TUSC3: variants seen among roughly 807,000 people sequenced by gnomAD.
TUSC3 encodes tumor suppressor candidate 3.
A neutral mutation model predicts 44.8 loss-of-function variants in TUSC3; 45 were observed. That is an observed-to-expected ratio of 1.00 (90% CI 0.79 to 1.29). TUSC3 has a LOEUF of 1.29. TUSC3 is among the 50% of genes most tolerant of loss of function. The pLI is 0.00. For missense variants in TUSC3, 519 were observed against 437.9 expected, an observed-to-expected ratio of 1.19 and a Z score of -1.65; for synonymous variants, 212 against 152.9, an observed-to-expected ratio of 1.39 and a Z score of -2.85.
At chr8:15,489,638 T>C (rs1477552185) in intron 2 of TUSC3, among the ~76,000 whole-genome samples, 1 of 152,210 alleles carries the variant, frequency 6.6e-6, no homozygotes, top group Non-Finnish European at 1.5e-5. Flanking sequence ...ATACTACAGT[T>C]ACATTGGAAT....
intron 1 of TUSC3, among the ~76,000 whole-genome samples, chr8:15,572,907 A>G (rs1034776799): frequency 6.6e-6 from 1 of 152,066 alleles, no homozygotes; most frequent in African/African-American, 2.4e-5. Flanking sequence ...AAGTGACATC[A>G]AAGATCACTG....
intron 2 of TUSC3, among the ~76,000 whole-genome samples, chr8:15,649,320 C>T (rs566793134): frequency 6.6e-6 from 1 of 152,032 alleles, no homozygotes; most frequent in Non-Finnish European, 1.5e-5. Flanking sequence ...CGCGGTGGCT[C>T]ACGCCTGTAA....
chr8:15,773,554 T>C, the TUSC3 span, among the ~76,000 whole-genome samples: 1 of 152,180 alleles, frequency 6.6e-6, no homozygotes, highest in East Asian at 1.9e-4. Context: ...TTTCCTATTA[T>C]AATCCAGTGG....
At chr8:15,583,228 G>A (rs1359800226) in intron 1 of TUSC3, among the ~76,000 whole-genome samples, 3 of 152,190 alleles carry the variant, frequency 2.0e-5, no homozygotes, top group African/African-American at 7.2e-5. Context: ...TTAAAGCCAT[G>A]TAAGACATTA....
At chr8:15,490,534 G>A (rs888245387) in intron 2 of TUSC3, among the ~76,000 whole-genome samples, 1 of 152,150 alleles carries the variant, frequency 6.6e-6, no homozygotes, top group Non-Finnish European at 1.5e-5. Context: ...GCAGAGGCCA[G>A]CACTGAAGGA....
intron 10 of TUSC3, among the ~76,000 whole-genome samples, chr8:15,760,928 C>T (rs1484937506): frequency 6.6e-6 from 1 of 152,120 alleles, no homozygotes; most frequent in African/African-American, 2.4e-5. Flanking sequence ...TTTTTCAGTT[C>T]TTGTAACACC....
chr8:15,776,331 T>A, the TUSC3 span, among the ~76,000 whole-genome samples: 2 of 152,132 alleles, frequency 1.3e-5, no homozygotes, highest in Non-Finnish European at 2.9e-5. Flanking sequence ...TTATTTATTT[T>A]ATGAATGGGC....
At chr8:15,849,570 C>G in the TUSC3 span, among the ~76,000 whole-genome samples, 33 of 152,286 alleles carry the variant, frequency 2.2e-4, no homozygotes, top group African/African-American at 7.7e-4. Context: ...GAGTTACAAT[C>G]TCCCCTGCAA....
At chr8:15,781,832 A>G in the TUSC3 span, among the ~76,000 whole-genome samples, 1 of 152,144 alleles carries the variant, frequency 6.6e-6, no homozygotes, top group African/African-American at 2.4e-5. Flanking sequence ...AAACAAAGCT[A>G]CTATAAGAAA....
At chr8:15,451,558 T>C (rs1800197270) in intron 1 of TUSC3, among the ~76,000 whole-genome samples, 1 of 151,868 alleles carries the variant, frequency 6.6e-6, no homozygotes, top group South Asian at 2.1e-4. Context: ...AGCGGGAGAG[T>C]GCATAGAAGC....
chr8:15,456,821 G>A (rs924347722), intron 1 of TUSC3, among the ~76,000 whole-genome samples: 6 of 152,030 alleles, frequency 3.9e-5, no homozygotes, highest in East Asian at 1.9e-4. Flanking sequence ...ACTTGAAAAC[G>A]CTTTAAAACA....
intron 1 of TUSC3, among the ~76,000 whole-genome samples, chr8:15,616,909 G>A (rs1805009495): frequency 6.6e-6 from 1 of 152,138 alleles, no homozygotes; most frequent in Non-Finnish European, 1.5e-5. Flanking sequence ...CACAGAATCT[G>A]GGCCAGTAGC....
intron 10 of TUSC3, among the ~76,000 whole-genome samples, chr8:15,762,822 G>C (rs1039186127): frequency 6.6e-6 from 1 of 151,992 alleles, no homozygotes; most frequent in Non-Finnish European, 1.5e-5. Context: ...ACATCTATCT[G>C]CTTTACCAGC....
the TUSC3 span, chr8:15,806,767 A>C: frequency 2.5e-6 from 2 of 786,704 alleles, no homozygotes; most frequent in Non-Finnish European, 4.4e-6. Flanking sequence ...AGCCACCTGC[A>C]TTCTGAATTC....
intron 1 of TUSC3, among the ~76,000 whole-genome samples, chr8:15,452,612 A>C (rs186523748): frequency 3.9e-5 from 6 of 152,348 alleles, no homozygotes; most frequent in African/African-American, 9.6e-5. Context: ...GCTATAAGGC[A>C]GACTTACGTC....
At chr8:15,568,837 C>CT (rs1428886827) in intron 1 of TUSC3, among the ~76,000 whole-genome samples, 2 of 151,880 alleles carry the variant, frequency 1.3e-5, no homozygotes, top group Non-Finnish European at 2.9e-5. Context: ...TATTTTCACA[C>CT]TTTTTTCCAT....
chr8:15,481,373 A>T (rs148039567), intron 1 of TUSC3, among the ~76,000 whole-genome samples: 1 of 151,710 alleles, frequency 6.6e-6, no homozygotes, highest in East Asian at 1.9e-4. Flanking sequence ...CAGCTTCCTT[A>T]TTAAAGGACA....
At chr8:15,772,609 C>G in the TUSC3 span, among the ~76,000 whole-genome samples, 1 of 152,198 alleles carries the variant, frequency 6.6e-6, no homozygotes, top group Non-Finnish European at 1.5e-5. Flanking sequence ...CACAATCTTT[C>G]TCAACTAGTT....
chr8:15,525,738 A>C (rs980494624), intron 2 of TUSC3, among the ~76,000 whole-genome samples: 1 of 152,130 alleles, frequency 6.6e-6, no homozygotes, highest in East Asian at 1.9e-4. Context: ...GTCTCCAGTG[A>C]TAAAGGGGAT....
Sources: allele counts gnomAD v4.1 joint callset (sites outside exome capture counted in the v4.1 genomes callset), GRCh38; gene constraint gnomAD v4.1.1; transcripts MANE v1.5; gene names NCBI Gene and HGNC (gene_info 2026-07-23, HGNC 2026-07-21).